The following STEAP4 variants were observed in gnomAD, a reference collection of about 807,000 sequenced individuals.
The protein encoded by STEAP4 is metalloreductase STEAP4.
In STEAP4, 36 loss-of-function variants were observed where a neutral mutation model predicts 43.6. That is an observed-to-expected ratio of 0.83 (90% confidence interval 0.63 to 1.09). The LOEUF (loss-of-function observed/expected upper bound fraction) is 1.09. STEAP4 is among the 50% of genes least tolerant of loss of function. STEAP4 has a pLI of 0.00. For missense variants in STEAP4, 495 were observed against 546.5 expected, an observed-to-expected ratio of 0.91 and a Z score of 0.94; for synonymous variants, 191 against 196.7, an observed-to-expected ratio of 0.97 and a Z score of 0.24.
intron 1 of STEAP4, among the ~76,000 whole-genome samples, chr7:88,293,445 C>T (rs1852873821): frequency 6.6e-6 from 1 of 152,028 alleles, no homozygotes. Flanking sequence ...AGTCATAAAA[C>T]AAACATTTTT....
In STEAP4 at chr7:88,284,092, T is replaced by C. The variant is rs1326771233; in HGVS notation, c.178A>G (p.Ser60Gly). The part of the protein sequence containing the change: ...RNPQKTTLLP[S>G]GAEVLSYSEA... Reference sequence around the variant, plus strand: ...GAATAGCTCAAGACTTCTGCACCACTGGGCAGTAGGGTGGTCTTCTGGGGG... The same window carrying C: ...GAATAGCTCAAGACTTCTGCACCACCGGGCAGTAGGGTGGTCTTCTGGGGG... The change falls in exon 2 of 5, where the codon AGT becomes GGT. Residue 60 changes from serine to glycine, a missense_variant. Physicochemically the swap from Ser to Gly is moderately conservative, Grantham distance 56. Coordinates refer to ENST00000380079, the MANE Select transcript of STEAP4 (RefSeq NM_024636.4). 6.2e-7 allele frequency: 1 copy of C among 1,614,146 alleles called. No homozygotes were observed. The highest frequency in any genetic ancestry group is 1.7e-5 in the Admixed American group (1 of 59,988).
rs575228857 is a variant in STEAP4 at position 88,306,586 on chromosome 7, C to T, written c.-3+206G>A. 2.6e-5 allele frequency among the ~76,000 whole-genome samples: 4 copies of T among 152,346 alleles called. No individual in the cohort carries two copies. In the South Asian group the frequency reaches 8.3e-4, roughly 32 times the overall value. ...GTCTGCACCCTGGGGTAGGGATGAG[C>T]CTTAAACTCCAGGAAGTTAGAAGCT... On this transcript the variant is annotated intron_variant, in intron 1 of 4. Coordinates refer to ENST00000380079, the MANE Select transcript of STEAP4 (RefSeq NM_024636.4).
At chr7:88,298,626 G>C (rs1026711557) in intron 1 of STEAP4, among the ~76,000 whole-genome samples, 1 of 151,906 alleles carries the variant, frequency 6.6e-6, no homozygotes, top group Non-Finnish European at 1.5e-5. Context: ...AGTTCATATT[G>C]CTGCCCATTC....
rs79481184 is a variant in STEAP4, at chr7:88,280,628, A to G, written c.1149+287T>C. 2.5e-3 allele frequency among the ~76,000 whole-genome samples: 388 copies of G among 152,286 alleles called. 2 individuals are homozygous for G. Among genetic ancestry groups the G allele is most frequent in the African/African-American group, 9.2e-3 (383 of 41,558 alleles). On this transcript the variant is annotated intron_variant, in intron 4 of 4. Coordinates refer to ENST00000380079, the MANE Select transcript of STEAP4 (RefSeq NM_024636.4). ...TCCATATCTGTATGTCCATGTTGTA[A>G]GGTTAATTTTTTAGATGGTGAAATT...
intron 1 of STEAP4, among the ~76,000 whole-genome samples, chr7:88,295,793 A>G (rs752114818): frequency 6.6e-6 from 1 of 152,214 alleles, no homozygotes; most frequent in Non-Finnish European, 1.5e-5. Context: ...GGAAAAAGGT[A>G]AAGTTATCTT....
chr7:88,284,291 A>C lies in STEAP4; in HGVS notation c.-2-20T>G. The C allele has an allele frequency of 6.7e-7, 1 of 1,483,362 alleles. No homozygotes were observed. Among genetic ancestry groups the C allele is most frequent in the Non-Finnish European group, 9.1e-7 (1 of 1,100,998 alleles). 91.9% of individuals were successfully genotyped at this position (1,483,362 alleles called of 1,614,324 possible). Reference sequence around the variant, plus strand: ...CCATAACTGAAAAATAATAACACAAATGCCCAACAAAATATAAATGCTCTG... The same window carrying C: ...CCATAACTGAAAAATAATAACACAACTGCCCAACAAAATATAAATGCTCTG... On this transcript the variant is annotated intron_variant, in intron 1 of 4. Transcript: ENST00000380079.
intron 1 of STEAP4, among the ~76,000 whole-genome samples, chr7:88,287,658 A>G (rs144647596): frequency 6.5e-4 from 99 of 152,290 alleles, no homozygotes; most frequent in African/African-American, 2.3e-3. Flanking sequence ...CCAGATTACC[A>G]ATCTGGGTGG....
chr7:88,300,267 G>A (rs924383678), intron 1 of STEAP4, among the ~76,000 whole-genome samples: 4 of 152,092 alleles, frequency 2.6e-5, no homozygotes, highest in African/African-American at 4.8e-5. Context: ...GGAGTGCAGC[G>A]GTGTGATCTC....
chr7:88,285,789 A>G (rs1246639360), intron 1 of STEAP4, among the ~76,000 whole-genome samples: 1 of 151,456 alleles, frequency 6.6e-6, no homozygotes, highest in African/African-American at 2.4e-5. Flanking sequence ...GAAAGAAAAG[A>G]AAAAAGAAAA....
At chr7:88,286,069 A>C (rs1487304158) in intron 1 of STEAP4, among the ~76,000 whole-genome samples, 6 of 152,178 alleles carry the variant, frequency 3.9e-5, no homozygotes, top group Non-Finnish European at 8.8e-5. Context: ...ATTCAAGAGC[A>C]CCTGTCAAAG....
chr7:88,301,976 T>C (rs1331467721), intron 1 of STEAP4, among the ~76,000 whole-genome samples: 1 of 152,242 alleles, frequency 6.6e-6, no homozygotes, highest in Non-Finnish European at 1.5e-5. Context: ...AATCAGGAAA[T>C]ACCAAGGTTC....
At chr7:88,304,640 TTGTGTGTGTG>T (rs148793788) in intron 1 of STEAP4, among the ~76,000 whole-genome samples, 4 of 147,786 alleles carry the variant, frequency 2.7e-5, no homozygotes, top group Non-Finnish European at 4.5e-5. Context: ...GTTGCTGCTG[TTGTGTGTGTG>T]TGTGTGTGTG....
intron 1 of STEAP4, among the ~76,000 whole-genome samples, chr7:88,299,557 T>C (rs1167754399): frequency 3.3e-5 from 5 of 152,226 alleles, no homozygotes; most frequent in Non-Finnish European, 7.3e-5. Context: ...GGCATTTGGC[T>C]TGTACATACT....
At chr7:88,283,613 T>A in intron 2 of STEAP4, 1 of 633,774 alleles carries the variant, frequency 1.6e-6, no homozygotes. Flanking sequence ...CAAACTAAAA[T>A]CTGAGGGTGC....
rs1852515853 is a variant in STEAP4 at position 88,276,550 on chromosome 7, AG to A, written c.*2847del. On this transcript the variant is annotated 3_prime_UTR_variant, in exon 5 of 5. Transcript: ENST00000380079. ...TTTTCTAGAATACAGGAAACATATC[AG>A]CAGTAAAGAAGTTTAGTTTAACTTT... 6.6e-6 allele frequency: 1 copy of A among 152,308 alleles called. No homozygotes were observed. Among genetic ancestry groups the A allele is most frequent in the Non-Finnish European group, 1.5e-5 (1 of 68,046 alleles). The allele number at this position is 152,308 out of a possible 1,614,324, so 9.4% of individuals were successfully genotyped here.
At chr7:88,293,118 C>T (rs1201678648) in intron 1 of STEAP4, 1 of 152,082 alleles carries the variant, frequency 6.6e-6, no homozygotes, top group Non-Finnish European at 1.5e-5. Flanking sequence ...ACTAATTTAC[C>T]CCTTACCAGG....
chr7:88,299,045 G>C (rs1466449618), intron 1 of STEAP4, among the ~76,000 whole-genome samples: 1 of 152,082 alleles, frequency 6.6e-6, no homozygotes, highest in Non-Finnish European at 1.5e-5. Flanking sequence ...AACTAACTAT[G>C]TCATATGCGG....
chr7:88,282,438 C>T, intron 3 of STEAP4: 4 of 600,636 alleles, frequency 6.7e-6, no homozygotes, highest in East Asian at 2.9e-5. Flanking sequence ...TGAGCCACCG[C>T]CCCCGGCAAA....
Position 88,284,157 on chromosome 7 carries a change from A to G in STEAP4, c.113T>C (p.Met38Thr). Residue 38 changes from methionine to threonine, a missense_variant, in exon 2 of 5, where the codon ATG (methionine) becomes ACG (threonine). Physicochemically the swap from Met to Thr is moderately conservative, Grantham distance 81 (BLOSUM62 -1). Transcript: ENST00000380079. ...GDFGRSLGLK[M>T]LQCGYSVVFG... ...AACAACAGAATAACCACACTGGAGC[A>G]TTTTCAATCCCAGTGATCTTCCAAA... 1 of 1,614,154 alleles carries G rather than the reference A, an allele frequency of 6.2e-7. No individual in the cohort carries two copies. Among genetic ancestry groups the G allele is most frequent in the Non-Finnish European group, 8.5e-7 (1 of 1,180,024 alleles).
Sources: gnomAD v4.1 joint callset for allele counts (sites outside exome capture counted in the v4.1 genomes callset) on GRCh38, gnomAD v4.1.1 for gene constraint, MANE v1.5 for transcripts, NCBI Gene and HGNC (gene_info 2026-07-23, HGNC 2026-07-21) for gene names.